Variants in NCKAP5 observed in about 807,000 individuals in gnomAD.
The protein encoded by NCKAP5 is NCK associated protein 5, also known as nck-associated protein 5.
A neutral mutation model predicts 167.0 loss-of-function variants in NCKAP5; 92 were observed. The observed-to-expected ratio is 0.55, with a 90% CI of 0.47 to 0.66. The LOEUF is 0.66. NCKAP5 is among the 30% of genes least tolerant of loss of function. The pLI is 0.00. For missense variants in NCKAP5, 2,378 were observed against 2,315.0 expected (o/e 1.03, Z -0.56); for synonymous variants, 891 against 877.4 (o/e 1.02, Z -0.27).
chr2:133,339,396 T>C (rs1280209284), intron 3 of NCKAP5, among the ~76,000 whole-genome samples: 1 of 152,154 alleles, frequency 6.6e-6, no homozygotes, highest in Non-Finnish European at 1.5e-5. Flanking sequence ...CTATTTGTAA[T>C]AAAGCATATA....
intron 6 of NCKAP5, among the ~76,000 whole-genome samples, chr2:133,086,674 A>G (rs1441820151): frequency 6.6e-6 from 1 of 152,104 alleles, no homozygotes; most frequent in Admixed American, 6.6e-5. Context: ...TTTCTGATCC[A>G]TTAACATTAT....
the NCKAP5 span, chr2:133,596,502 C>T: frequency 6.6e-6 from 1 of 152,422 alleles, no homozygotes; most frequent in African/African-American, 2.4e-5. Flanking sequence ...CAATCTCAAG[C>T]ATCAGAATGG....
At chr2:133,307,150 T>C (rs1481706132) in intron 3 of NCKAP5, among the ~76,000 whole-genome samples, 2 of 152,232 alleles carry the variant, frequency 1.3e-5, no homozygotes, top group African/African-American at 2.4e-5. Flanking sequence ...CTGTTAGAAT[T>C]ACGAAACCCA....
intron 8 of NCKAP5, among the ~76,000 whole-genome samples, chr2:132,917,219 A>G (rs1694953519): frequency 6.6e-6 from 1 of 152,226 alleles, no homozygotes; most frequent in South Asian, 2.1e-4. Flanking sequence ...GAAACTAGCA[A>G]GCCACTCTTG....
chr2:133,358,430 A>C (rs1464310416), intron 3 of NCKAP5, among the ~76,000 whole-genome samples: 1 of 152,114 alleles, frequency 6.6e-6, no homozygotes, highest in East Asian at 1.9e-4. Context: ...AATAACAACA[A>C]AAAGCCAGGG....
chr2:133,261,392 A>G (rs2088899082), intron 4 of NCKAP5, among the ~76,000 whole-genome samples: 1 of 152,194 alleles, frequency 6.6e-6, no homozygotes, highest in Non-Finnish European at 1.5e-5. Flanking sequence ...CTTATTATAT[A>G]ATAATTCTAA....
chr2:132,790,794 C>A (rs1411504520), intron 12 of NCKAP5, among the ~76,000 whole-genome samples: 2 of 152,140 alleles, frequency 1.3e-5, no homozygotes, highest in African/African-American at 4.8e-5. Flanking sequence ...AAGCACTAAA[C>A]GAGGGTCTAG....
chr2:133,218,524 C>T (rs2150192779), intron 4 of NCKAP5, among the ~76,000 whole-genome samples: 1 of 152,214 alleles, frequency 6.6e-6, no homozygotes, highest in Non-Finnish European at 1.5e-5. Context: ...CTTGGAGATA[C>T]CCAGGGTCCC....
rs191984916 is a variant in NCKAP5 at position 132,918,044 on chromosome 2, C to T, written c.580-39128G>A. The stretch of plus-strand genomic sequence containing the variant: ...ATAAAATCAGAGATAGCTATTTGAT[C>T]AGGAAGGATTTAATGAGTTTACCTT... On this transcript the variant is annotated intron_variant, in intron 8 of 19. Coordinates refer to ENST00000409261, the MANE Select transcript of NCKAP5 (RefSeq NM_207363.3). 1.3e-4 allele frequency among the ~76,000 whole-genome samples: 20 copies of T among 152,260 alleles called. No homozygotes were observed. In the South Asian group the frequency reaches 3.9e-3, roughly 30 times the overall value.
At chr2:132,812,180 G>A (rs1254309052) in intron 11 of NCKAP5, among the ~76,000 whole-genome samples, 2 of 152,150 alleles carry the variant, frequency 1.3e-5, no homozygotes, top group East Asian at 1.9e-4. Flanking sequence ...GAGTCCTCTC[G>A]GGATTGCTGG....
chr2:132,687,712 AACACACACACACACACACACACACAC>A (rs3069016), intron 19 of NCKAP5, among the ~76,000 whole-genome samples: 2 of 131,580 alleles, frequency 1.5e-5, no homozygotes, highest in Admixed American at 7.6e-5. Flanking sequence ...CACCTACCTA[AACACACACACACACACACACACACAC>A]ACACACACAC....
chr2:133,606,475 T>C, the NCKAP5 span, among the ~76,000 whole-genome samples: 49 of 152,166 alleles, frequency 3.2e-4, no homozygotes, highest in African/African-American at 1.2e-3. Context: ...TAACTGCATC[T>C]GAAAAATTTT....
chr2:132,976,074 T>A (rs2076969076), intron 7 of NCKAP5, among the ~76,000 whole-genome samples: 1 of 152,190 alleles, frequency 6.6e-6, no homozygotes, highest in Admixed American at 6.5e-5. Flanking sequence ...CTACCCATTT[T>A]GTCACAAATG....
intron 3 of NCKAP5, among the ~76,000 whole-genome samples, chr2:133,512,149 G>A (rs1376255281): frequency 6.6e-6 from 1 of 152,176 alleles, no homozygotes; most frequent in East Asian, 1.9e-4. Flanking sequence ...AGCAACACCA[G>A]CAATACCTCT....
intron 3 of NCKAP5, among the ~76,000 whole-genome samples, chr2:133,338,831 A>C (rs1683385392): frequency 6.6e-6 from 1 of 152,048 alleles, no homozygotes; most frequent in South Asian, 2.1e-4. Flanking sequence ...AACATGGTGA[A>C]ACCCTATCTC....
chr2:133,224,105 G>T (rs1323842079), intron 4 of NCKAP5, among the ~76,000 whole-genome samples: 2 of 152,148 alleles, frequency 1.3e-5, no homozygotes, highest in Non-Finnish European at 2.9e-5. Flanking sequence ...TCCTATATAT[G>T]TATTCTCAAA....
chr2:132,778,476 T>G (rs1231389312), intron 15 of NCKAP5, among the ~76,000 whole-genome samples: 1 of 152,102 alleles, frequency 6.6e-6, no homozygotes, highest in Non-Finnish European at 1.5e-5. Context: ...TATTATATAT[T>G]AGAATACTAA....
chr2:132,922,499 G>C (rs1695521953), intron 8 of NCKAP5, among the ~76,000 whole-genome samples: 1 of 152,118 alleles, frequency 6.6e-6, no homozygotes, highest in African/African-American at 2.4e-5. Context: ...CCATTAGCTT[G>C]GCACCCAAGG....
At chr2:133,006,842 C>A (rs1364726761) in intron 6 of NCKAP5, among the ~76,000 whole-genome samples, 3 of 152,308 alleles carry the variant, frequency 2.0e-5, no homozygotes, top group East Asian at 3.9e-4. Context: ...GAAGATGGAA[C>A]AGTGGCAAAG....
Sources: allele counts gnomAD v4.1 joint callset (sites outside exome capture counted in the v4.1 genomes callset), GRCh38; gene constraint gnomAD v4.1.1; transcripts MANE v1.5; gene names NCBI Gene and HGNC (gene_info 2026-07-23, HGNC 2026-07-21).